Variants in ARMC3 observed in about 807,000 individuals in gnomAD.
ARMC3 encodes armadillo repeat containing 3.
ARMC3 carries 74 observed loss-of-function variants against 90.3 expected under a neutral mutation model. That is an observed-to-expected ratio of 0.82 (90% CI 0.68 to 0.99). The LOEUF (loss-of-function observed/expected upper bound fraction) is 0.99, where lower values mean the gene tolerates loss of function less well. ARMC3 is among the 50% of genes least tolerant of loss of function. The probability of loss-of-function intolerance (pLI) is 0.00; values close to 1 mark genes in which losing one functional copy is unlikely to be tolerated. For missense variants in ARMC3, 958 were observed against 1,042.8 expected (o/e 0.92, Z 1.12); for synonymous variants, 334 against 361.8 (o/e 0.92, Z 0.87).
At chr10:22,928,715 A>G (rs1564331492) in intron 1 of ARMC3, among the ~76,000 whole-genome samples, 1 of 152,232 alleles carries the variant, frequency 6.6e-6, no homozygotes, top group Non-Finnish European at 1.5e-5. Context: ...ATTAGAAACA[A>G]ATTTCAACAA....
intron 2 of ARMC3, among the ~76,000 whole-genome samples, chr10:22,943,085 C>T (rs1834382868): frequency 6.6e-6 from 1 of 152,074 alleles, no homozygotes; most frequent in African/African-American, 2.4e-5. Flanking sequence ...GTGAGGAAAC[C>T]TTCAAAGATA....
At chr10:23,018,638 T>TC (rs1273660998) in intron 16 of ARMC3, among the ~76,000 whole-genome samples, 4 of 149,092 alleles carry the variant, frequency 2.7e-5, no homozygotes, top group Non-Finnish European at 5.9e-5. Context: ...TGCCTTAGCC[T>TC]CCCGAGTAGC....
At chr10:23,011,389 T>C (rs1200255324) in intron 16 of ARMC3, among the ~76,000 whole-genome samples, 1 of 152,248 alleles carries the variant, frequency 6.6e-6, no homozygotes, top group Non-Finnish European at 1.5e-5. Flanking sequence ...ATAGTGCTGT[T>C]GTAAGCCTCA....
chr10:23,008,884 A>G lies in ARMC3; in HGVS notation c.1998A>G (p.Gly666=). 6.2e-7 allele frequency: 1 copy of G among 1,613,996 alleles called. No homozygotes were observed. The highest frequency in any genetic ancestry group is 8.5e-7 in the Non-Finnish European group (1 of 1,179,926). Residue 666 remains glycine, a synonymous_variant, in exon 16 of 19, where the codon GGA becomes GGG. Coordinates refer to ENST00000298032, the MANE Select transcript of ARMC3 (RefSeq NM_173081.5). ...AAGACAAATCAGAGCCAGCTTCTGGACGAAATACTGTTCTCAGCAAAAGCG... is the reference window on the plus strand; with the variant it reads ...AAGACAAATCAGAGCCAGCTTCTGGGCGAAATACTGTTCTCAGCAAAAGCG... The part of the protein sequence containing the change: ...PIEDKSEPAS[G]RNTVLSKSAT...
intron 3 of ARMC3, among the ~76,000 whole-genome samples, chr10:22,952,381 C>T (rs961791980): frequency 2.0e-5 from 3 of 152,060 alleles, no homozygotes; most frequent in Admixed American, 6.6e-5. Flanking sequence ...CAGATATTAA[C>T]AGGATAAGAG....
chr10:23,026,886 T>C (rs753532170), intron 16 of ARMC3, among the ~76,000 whole-genome samples: 37 of 152,190 alleles, frequency 2.4e-4, no homozygotes, highest in Non-Finnish European at 3.5e-4. Flanking sequence ...CCTTCTTCCA[T>C]TGAATTGCTT....
chr10:22,939,864 T>A (rs905202607), intron 2 of ARMC3, among the ~76,000 whole-genome samples: 1 of 151,880 alleles, frequency 6.6e-6, no homozygotes, highest in Admixed American at 6.6e-5. Flanking sequence ...AAAGGCAGAA[T>A]AAAAGGAACA....
chr10:22,966,901 G>A (rs751556720), intron 7 of ARMC3, among the ~76,000 whole-genome samples: 1 of 151,674 alleles, frequency 6.6e-6, no homozygotes, highest in Non-Finnish European at 1.5e-5. Context: ...CCCTTGACAC[G>A]TGGGGATTAT....
chr10:22,987,774 C>A (rs1410178957), intron 10 of ARMC3, among the ~76,000 whole-genome samples: 1 of 152,170 alleles, frequency 6.6e-6, no homozygotes, highest in Non-Finnish European at 1.5e-5. Context: ...ATTACCATTT[C>A]TTTGCTTTTT....
At chr10:23,005,131 T>C (rs532399163) in intron 13 of ARMC3, among the ~76,000 whole-genome samples, 195 of 144,016 alleles carry the variant, frequency 1.4e-3, no homozygotes, top group African/African-American at 4.8e-3. Flanking sequence ...GAGAATGGCG[T>C]GAACCCGGAA....
At position 23,034,414 on chromosome 10, in the gene ARMC3, A is replaced by G. The variant is rs1195096047; in HGVS notation, c.2409+1391A>G. ...AACTATAATTGTGAAGAGTTTCAAA[A>G]ATGCCAAATATAGAAATGACTACCC... On this transcript the variant is annotated intron_variant, in intron 18 of 18. Coordinates refer to ENST00000298032, the MANE Select transcript of ARMC3 (RefSeq NM_173081.5). Among the ~76,000 whole-genome samples, 5 of 152,350 alleles carry G rather than the reference A, an allele frequency of 3.3e-5. No homozygotes were observed. In the East Asian group the frequency reaches 7.7e-4, roughly 23 times the overall value.
At chr10:23,037,241 C>A in intron 18 of ARMC3, 29 bp from the exon 19 acceptor site, 1 of 1,551,154 alleles carries the variant, frequency 6.4e-7, no homozygotes, top group Non-Finnish European at 8.8e-7. Flanking sequence ...CCGCACCACC[C>A]TTGGTTGATC....
At chr10:22,986,110 G>GCCCCCA (rs1836415660) in intron 10 of ARMC3, among the ~76,000 whole-genome samples, 1 of 101,534 alleles carries the variant, frequency 9.8e-6, no homozygotes, top group Admixed American at 1.3e-4. Flanking sequence ...TGCACTGCAC[G>GCCCCCA]CCCCCCCCCC....
intron 10 of ARMC3, among the ~76,000 whole-genome samples, chr10:22,989,466 T>C (rs538594748): frequency 2.0e-5 from 3 of 152,222 alleles, no homozygotes; most frequent in African/African-American, 7.2e-5. Context: ...GATTTTTTGC[T>C]CTTGACTTTG....
chr10:23,038,321 C>G lies in ARMC3; in HGVS notation c.*842C>G, dbSNP rs1343280771. On this transcript the variant is annotated 3_prime_UTR_variant, in exon 19 of 19. Coordinates refer to ENST00000298032, the MANE Select transcript of ARMC3 (RefSeq NM_173081.5). ...TAAATTCACATTTCAAATGATAAGA[C>G]AAAAACTACTAATGTGGTTAATCTC... 1 of 152,070 alleles carries G rather than the reference C, an allele frequency of 6.6e-6. No individual in the cohort carries two copies. Among genetic ancestry groups the G allele is most frequent in the Non-Finnish European group, 1.5e-5 (1 of 68,004 alleles). The allele number at this position is 152,070 out of a possible 1,614,324, so 9.4% of individuals were successfully genotyped here. A position where few individuals can be genotyped will look rare whatever the true frequency, so the allele number is the denominator to read the frequency against.
chr10:23,037,625 C>T lies in ARMC3; in HGVS notation c.*146C>T. ...TTTTCTCTGCGTAGAAATTAGGAAG[C>T]TTGGAGTGAACTTTGCTGTGCTTCT... On this transcript the variant is annotated 3_prime_UTR_variant, in exon 19 of 19. Coordinates refer to ENST00000298032, the MANE Select transcript of ARMC3 (RefSeq NM_173081.5). 1.2e-6 allele frequency: 1 copy of T among 806,742 alleles called. No individual in the cohort carries two copies. Among genetic ancestry groups the T allele is most frequent in the Non-Finnish European group, 1.8e-6 (1 of 555,002 alleles). The allele number at this position is 806,742 out of a possible 1,614,324, so 50.0% of individuals were successfully genotyped here.
chr10:22,980,265 T>A (rs1836130247), intron 8 of ARMC3, among the ~76,000 whole-genome samples: 1 of 152,150 alleles, frequency 6.6e-6, no homozygotes. Context: ...CACACATTCT[T>A]CCATTTTAAT....
intron 2 of ARMC3, among the ~76,000 whole-genome samples, chr10:22,944,398 C>G (rs1448550315): frequency 6.6e-6 from 1 of 152,172 alleles, no homozygotes; most frequent in Non-Finnish European, 1.5e-5. Flanking sequence ...TGCATATCCT[C>G]CCTTCTCATT....
chr10:23,003,230 T>C lies in ARMC3; in HGVS notation c.1563-16T>C. 1 of 1,605,698 alleles carries C rather than the reference T, an allele frequency of 6.2e-7. No homozygotes were observed. Among genetic ancestry groups the C allele is most frequent in the Non-Finnish European group, 8.5e-7 (1 of 1,176,494 alleles). On this transcript the variant is annotated splice_polypyrimidine_tract_variant and intron_variant, in intron 12 of 18. Transcript: ENST00000298032. ...GCTTGTATAAAGCAAATAATGCTTTTTGCTTTTATTGACAGGGCTTTAGAT... is the reference window on the plus strand; with the variant it reads ...GCTTGTATAAAGCAAATAATGCTTTCTGCTTTTATTGACAGGGCTTTAGAT...
Sources: gnomAD v4.1 joint callset for allele counts (sites outside exome capture counted in the v4.1 genomes callset) on GRCh38, gnomAD v4.1.1 for gene constraint, MANE v1.5 for transcripts, NCBI Gene and HGNC (gene_info 2026-07-23, HGNC 2026-07-21) for gene names.